The following ITGBL1 variants were observed in gnomAD, a reference collection of about 807,000 sequenced individuals.
ITGBL1 encodes integrin subunit beta like 1, also known as integrin beta-like protein 1.
A neutral mutation model predicts 68.5 loss-of-function variants in ITGBL1; 51 were observed. The observed-to-expected ratio is 0.74, with a 90% confidence interval of 0.59 to 0.94. The LOEUF is 0.94. Ranked by LOEUF, ITGBL1 falls within the 40% of genes least tolerant of loss-of-function variation. The pLI is 0.00. For missense variants in ITGBL1, 649 were observed against 647.4 expected (o/e 1.00, Z -0.03); for synonymous variants, 209 against 227.3 (o/e 0.92, Z 0.72).
chr13:101,505,628 G>A (rs955602715), intron 2 of ITGBL1, among the ~76,000 whole-genome samples: 1 of 152,176 alleles, frequency 6.6e-6, no homozygotes, highest in Non-Finnish European at 1.5e-5. Context: ...TTTGGTGCTA[G>A]GAACACATGG....
chr13:101,574,386 G>A (rs574233623), intron 3 of ITGBL1, among the ~76,000 whole-genome samples: 146 of 152,210 alleles, frequency 9.6e-4, no homozygotes, highest in African/African-American at 3.4e-3. Context: ...TTAGTTCTCA[G>A]CTACTTCCTC....
At chr13:101,493,986 T>TTCAATATC (rs2048818967) in intron 2 of ITGBL1, among the ~76,000 whole-genome samples, 1 of 152,246 alleles carries the variant, frequency 6.6e-6, no homozygotes, top group Non-Finnish European at 1.5e-5. Flanking sequence ...ATCACATACT[T>TTCAATATC]AGGTTTGTCC....
At chr13:101,630,407 A>G (rs998706363) in intron 7 of ITGBL1, among the ~76,000 whole-genome samples, 1 of 152,170 alleles carries the variant, frequency 6.6e-6, no homozygotes, top group Non-Finnish European at 1.5e-5. Flanking sequence ...TAGGTGGTCT[A>G]CATGTATTTC....
At chr13:101,663,824 AAAAAC>A (rs1434520680) in intron 7 of ITGBL1, among the ~76,000 whole-genome samples, 1 of 152,208 alleles carries the variant, frequency 6.6e-6, no homozygotes, top group East Asian at 1.9e-4. Context: ...TGATGATTGA[AAAAAC>A]AATTTAAAAA....
chr13:101,455,604 C>T (rs2048232734), intron 2 of ITGBL1, among the ~76,000 whole-genome samples: 1 of 152,178 alleles, frequency 6.6e-6, no homozygotes, highest in South Asian at 2.1e-4. Context: ...GCAGAGGTTG[C>T]AGAGAGCCAA....
chr13:101,466,609 C>A (rs191089143), intron 2 of ITGBL1, among the ~76,000 whole-genome samples: 8 of 152,272 alleles, frequency 5.3e-5, no homozygotes, highest in Non-Finnish European at 7.4e-5. Flanking sequence ...CAGTCTACAC[C>A]AAACACATTT....
At chr13:101,719,988 T>C (rs1250668692), downstream of ITGBL1, 1 of 152,162 alleles carries the variant, frequency 6.6e-6, no homozygotes, top group Non-Finnish European at 1.5e-5. Context: ...TTACATGACA[T>C]TTCTCTATAT....
intron 2 of ITGBL1, among the ~76,000 whole-genome samples, chr13:101,501,514 A>T (rs996425035): frequency 6.6e-6 from 1 of 152,210 alleles, no homozygotes; most frequent in African/African-American, 2.4e-5. Flanking sequence ...ATCCTCAACA[A>T]CACTTTAAAT....
At chr13:101,618,223 A>G (rs566467837) in intron 7 of ITGBL1, among the ~76,000 whole-genome samples, 3 of 152,192 alleles carry the variant, frequency 2.0e-5, no homozygotes, top group Non-Finnish European at 4.4e-5. Flanking sequence ...TAGATTAGGA[A>G]AGTGTTAAAG....
Position 101,575,546 on chromosome 13 carries a change from G to T in ITGBL1, c.586G>T (p.Gly196Cys). 1 of 1,611,572 alleles carries T rather than the reference G, an allele frequency of 6.2e-7. No homozygotes were observed. Among genetic ancestry groups the T allele is most frequent in the Middle Eastern group, 1.7e-4 (1 of 6,038 alleles). The change falls in exon 4 of 11, where the codon GGC becomes TGC. Residue 196 changes from glycine (G) to cysteine (C), a missense_variant and splice_region_variant. Physicochemically the swap from Gly to Cys is radical, Grantham distance 159. Transcript: ENST00000376180. ...CGATGAAACAGAAGAAATATGTGGA[G>T]GTATGTATATTGGCTCTGTAGAAAT... ...IDDETEEICGGHGKCYCGNCY... is the reference protein window; with the variant it reads ...IDDETEEICGCHGKCYCGNCY...
intron 7 of ITGBL1, among the ~76,000 whole-genome samples, chr13:101,600,073 G>C (rs942327760): frequency 1.3e-5 from 2 of 152,178 alleles, no homozygotes; most frequent in Non-Finnish European, 2.9e-5. Flanking sequence ...CCATGAGCAT[G>C]GAATGTTCTT....
intron 7 of ITGBL1, among the ~76,000 whole-genome samples, chr13:101,651,762 T>G (rs1348025079): frequency 7.3e-6 from 1 of 137,912 alleles, no homozygotes; most frequent in Non-Finnish European, 1.6e-5. Flanking sequence ...ATGTCCTAAA[T>G]GGTATTACCT....
At chr13:101,544,554 TG>T (rs537699817) in intron 2 of ITGBL1, among the ~76,000 whole-genome samples, 17 of 152,180 alleles carry the variant, frequency 1.1e-4, no homozygotes, top group Non-Finnish European at 2.2e-4. Context: ...AGCTGCATGC[TG>T]GGAGAACCAC....
intron 2 of ITGBL1, among the ~76,000 whole-genome samples, chr13:101,515,573 A>G (rs190141194): frequency 6.6e-6 from 1 of 151,088 alleles, no homozygotes; most frequent in Admixed American, 6.6e-5. Flanking sequence ...GGTATCTGCC[A>G]TTTTTTTTTC....
chr13:101,676,426 A>G (rs1258012747), intron 7 of ITGBL1, among the ~76,000 whole-genome samples: 1 of 152,208 alleles, frequency 6.6e-6, no homozygotes, highest in African/African-American at 2.4e-5. Flanking sequence ...ATGTTTATCA[A>G]TACCTCCTTC....
chr13:101,627,389 C>T (rs1034865930), intron 7 of ITGBL1, among the ~76,000 whole-genome samples: 14 of 152,052 alleles, frequency 9.2e-5, no homozygotes, highest in Admixed American at 3.3e-4. Context: ...CATGGCCTCC[C>T]CTGTCATCAT....
rs79704891 is a variant in ITGBL1, at chr13:101,461,367, C to A, written c.316+7267C>A. 4.2e-3 allele frequency among the ~76,000 whole-genome samples: 638 copies of A among 152,112 alleles called. 4 individuals are homozygous for A. Among genetic ancestry groups the A allele is most frequent in the African/African-American group, 0.015 (623 of 41,498 alleles). On this transcript the variant is annotated intron_variant, in intron 2 of 10. Transcript: ENST00000376180. Reference sequence around the variant, plus strand: ...TGTTACATCTGACCTTGTGACTCACCATGTTCATGTTCTTGAGGTAGGTGA... The same window carrying A: ...TGTTACATCTGACCTTGTGACTCACAATGTTCATGTTCTTGAGGTAGGTGA...
chr13:101,718,914 T>A (rs1472485807), downstream of ITGBL1: 13 of 152,118 alleles, frequency 8.5e-5, no homozygotes, highest in Admixed American at 6.6e-4. Flanking sequence ...ACCTCAGCTA[T>A]GACTACTATT....
chr13:101,671,091 G>T (rs1364266642), intron 7 of ITGBL1, among the ~76,000 whole-genome samples: 1 of 151,930 alleles, frequency 6.6e-6, no homozygotes, highest in African/African-American at 2.4e-5. Context: ...TTACAGTTTT[G>T]TTTCTTCTCT....
Sources: gnomAD v4.1 joint callset for allele counts (sites outside exome capture counted in the v4.1 genomes callset) on GRCh38, gnomAD v4.1.1 for gene constraint, MANE v1.5 for transcripts, NCBI Gene and HGNC (gene_info 2026-07-23, HGNC 2026-07-21) for gene names.